SCAI: variants seen among roughly 807,000 people sequenced by gnomAD.
SCAI encodes the protein protein SCAI.
SCAI carries 24 observed loss-of-function variants against 92.2 expected under a neutral mutation model. The observed-to-expected ratio is 0.26, with a 90% CI of 0.19 to 0.37. The LOEUF is 0.37. Ranked by LOEUF, SCAI falls within the 10% of genes least tolerant of loss-of-function variation. The pLI, the probability that SCAI is intolerant of heterozygous loss-of-function variation, is 1.00. For synonymous variants in SCAI, 261 were observed against 258.6 expected (o/e 1.01, Z -0.09); for missense variants, 450 against 736.2 (o/e 0.61, Z 4.50).
intron 9 of SCAI, among the ~76,000 whole-genome samples, chr9:125,006,641 G>A (rs1832515135): frequency 2.0e-5 from 3 of 151,978 alleles, no homozygotes; most frequent in Non-Finnish European, 4.4e-5. Context: ...ACAGGCGCAC[G>A]CCACCACGCC....
chr9:125,047,049 AT>A (rs1833457821), intron 3 of SCAI, among the ~76,000 whole-genome samples: 1 of 152,316 alleles, frequency 6.6e-6, no homozygotes, highest in Admixed American at 6.5e-5. Context: ...CACTGGTAAC[AT>A]TTCAATAAAA....
chr9:124,997,800 CG>C (rs1164279348), intron 13 of SCAI, among the ~76,000 whole-genome samples: 1 of 149,992 alleles, frequency 6.7e-6, no homozygotes. Context: ...CGCTTGAACC[CG>C]GAAGGCAGAG....
At chr9:125,056,488 A>G (rs1482442487) in intron 2 of SCAI, among the ~76,000 whole-genome samples, 1 of 152,130 alleles carries the variant, frequency 6.6e-6, no homozygotes. Context: ...AAAAAGAAAG[A>G]AAATAGATCA....
chr9:125,036,425 G>C (rs1833197760), intron 3 of SCAI, among the ~76,000 whole-genome samples: 1 of 152,112 alleles, frequency 6.6e-6, no homozygotes, highest in Non-Finnish European at 1.5e-5. Context: ...AACGAAGAAA[G>C]AGTGATAAAA....
rs1351289753 is a variant in SCAI at position 124,950,777 on chromosome 9, A to G, written c.*2030T>C. 1 of 152,198 alleles carries G rather than the reference A, an allele frequency of 6.6e-6. No homozygotes were observed. Among genetic ancestry groups the G allele is most frequent in the Non-Finnish European group, 1.5e-5 (1 of 68,042 alleles). 9.4% of individuals were successfully genotyped at this position (152,198 alleles called of 1,614,324 possible). A position where few individuals can be genotyped will look rare whatever the true frequency, so the allele number is the denominator to read the frequency against. On this transcript the variant is annotated 3_prime_UTR_variant, in exon 18 of 18. Transcript: ENST00000336505. The stretch of plus-strand genomic sequence containing the variant: ...TTTAAAAAGTAAACAGGCCAGGTAC[A>G]GTGGCTCACACCTGTAATCCTAGCA...
chr9:124,986,013 C>T lies in SCAI; in HGVS notation c.1326+8921G>A, dbSNP rs181026687. Among the ~76,000 whole-genome samples, 31 of 151,392 alleles carry T rather than the reference C, an allele frequency of 2.0e-4. 1 individual carries two copies. The South Asian group carries it at 5.0e-3, about 25-fold the overall frequency. ...ACTATAAAAAGGGCAATGGAGTGTCCGGGCGCGGTGGCTCATGCCTGTAAT... is the reference window on the plus strand; with the variant it reads ...ACTATAAAAAGGGCAATGGAGTGTCTGGGCGCGGTGGCTCATGCCTGTAAT... On this transcript the variant is annotated intron_variant, in intron 14 of 17. Coordinates refer to ENST00000336505, the MANE Select transcript of SCAI (RefSeq NM_001144877.3).
chr9:124,986,910 T>G (rs1360884777), intron 14 of SCAI, among the ~76,000 whole-genome samples: 1 of 152,238 alleles, frequency 6.6e-6, no homozygotes, highest in Non-Finnish European at 1.5e-5. Context: ...TACTCCTGTT[T>G]TGACAAATCT....
At chr9:125,073,749 G>T (rs1834029240) in intron 2 of SCAI, among the ~76,000 whole-genome samples, 1 of 151,588 alleles carries the variant, frequency 6.6e-6, no homozygotes, top group Non-Finnish European at 1.5e-5. Context: ...GTCATGTAAA[G>T]ATAAAAAAGA....
intron 2 of SCAI, among the ~76,000 whole-genome samples, chr9:125,058,681 G>A (rs904526119): frequency 3.3e-5 from 5 of 152,026 alleles, no homozygotes; most frequent in African/African-American, 1.2e-4. Flanking sequence ...CCTCCCCAGT[G>A]GTATGAACGT....
rs1394510519 is a variant in SCAI at position 125,004,762 on chromosome 9, TATATATATATA to T, written c.862-1203_862-1193del. On this transcript the variant is annotated intron_variant, in intron 9 of 17. Coordinates refer to ENST00000336505, the MANE Select transcript of SCAI (RefSeq NM_001144877.3). ...ATATATATATATATATATATATATA[TATATATATATA>T]TATATATTTTTTTTTTTTTTTTTTT... 4.6e-3 allele frequency among the ~76,000 whole-genome samples: 42 copies of T among 9,194 alleles called. 1 individual carries two copies. The highest frequency in any genetic ancestry group is 6.0e-3 in the Non-Finnish European group (24 of 3,998). The allele number at this position is 9,194 out of a possible 152,430, so 6.0% of individuals were successfully genotyped here. A position where few individuals can be genotyped will look rare whatever the true frequency, so the allele number is the denominator to read the frequency against.
chr9:125,108,893 C>T (rs1303757256), intron 2 of SCAI, among the ~76,000 whole-genome samples: 1 of 152,154 alleles, frequency 6.6e-6, no homozygotes, highest in Non-Finnish European at 1.5e-5. Context: ...GCCATGATGA[C>T]GATGGCGGTT....
Position 124,999,983 on chromosome 9 carries a change from A to G in SCAI, c.1152T>C (p.Tyr384=). 6.6e-7 allele frequency: 1 copy of G among 1,507,824 alleles called. No individual in the cohort carries two copies. The highest frequency in any genetic ancestry group is 9.1e-7 in the Non-Finnish European group (1 of 1,102,924). 93.4% of individuals were successfully genotyped at this position (1,507,824 alleles called of 1,614,324 possible). The stretch of plus-strand genomic sequence containing the variant: ...TATTAGTAAGTACACCTCCAAAATC[A>G]TAAGGACCTATAAAAACAAAGGGAA... The part of the protein sequence containing the change: ...PTGRSDSEGP[Y]DFGGVLTNSN... The change falls in exon 13 of 18, where the codon TAT becomes TAC. Residue 384 remains tyrosine, a synonymous_variant. Coordinates refer to ENST00000336505, the MANE Select transcript of SCAI (RefSeq NM_001144877.3).
rs192333302 is a variant in SCAI at position 124,978,015 on chromosome 9, T to C, written c.1327-1829A>G. Among the ~76,000 whole-genome samples the C allele has an allele frequency of 7.6e-4, 116 of 152,302 alleles. 1 individual carries two copies. Among genetic ancestry groups the C allele is most frequent in the Non-Finnish European group, 1.2e-3 (85 of 68,028 alleles). ...CTCTCCTGTTATGATTAACTATGAT[T>C]GATAAACCTAGTTACATAAAAATCA... On this transcript the variant is annotated intron_variant, in intron 14 of 17. Coordinates refer to ENST00000336505, the MANE Select transcript of SCAI (RefSeq NM_001144877.3).
At chr9:125,125,909 T>TATACACAC (rs149303657) in intron 2 of SCAI, among the ~76,000 whole-genome samples, 1 of 137,910 alleles carries the variant, frequency 7.3e-6, no homozygotes, top group Non-Finnish European at 1.6e-5. Flanking sequence ...TGCGTACACG[T>TATACACAC]ACACACACAC....
At chr9:125,057,490 C>T (rs1289072910) in intron 2 of SCAI, among the ~76,000 whole-genome samples, 1 of 152,184 alleles carries the variant, frequency 6.6e-6, no homozygotes, top group Admixed American at 6.5e-5. Flanking sequence ...AATCCCACAG[C>T]TAGAACCATT....
chr9:124,994,618 C>G (rs901987567), intron 14 of SCAI, among the ~76,000 whole-genome samples: 3 of 152,146 alleles, frequency 2.0e-5, no homozygotes, highest in African/African-American at 7.2e-5. Flanking sequence ...ACCTCTACCT[C>G]TATAAAAGAA....
rs1265748992 is a variant in SCAI, at chr9:124,946,735, C to T, written c.*6072G>A. The T allele has an allele frequency of 6.6e-6, 1 of 152,188 alleles. No individual in the cohort carries two copies. The highest frequency in any genetic ancestry group is 6.5e-5 in the Admixed American group (1 of 15,274). The allele number at this position is 152,188 out of a possible 1,614,324, so 9.4% of individuals were successfully genotyped here. A position where few individuals can be genotyped will look rare whatever the true frequency, so the allele number is the denominator to read the frequency against. On this transcript the variant is annotated 3_prime_UTR_variant, in exon 18 of 18. Coordinates refer to ENST00000336505, the MANE Select transcript of SCAI (RefSeq NM_001144877.3). The surrounding 1 kb of genome is among the most constrained non-coding windows in gnomAD (Gnocchi z 4.0). ...TTTGAAGGCCCAGATTTTTATAGCACACCATGCATCTAATATTAAAAACTC... is the reference window on the plus strand; with the variant it reads ...TTTGAAGGCCCAGATTTTTATAGCATACCATGCATCTAATATTAAAAACTC...
chr9:125,070,064 C>A (rs1415013448), intron 2 of SCAI, among the ~76,000 whole-genome samples: 1 of 151,772 alleles, frequency 6.6e-6, no homozygotes, highest in African/African-American at 2.4e-5. Context: ...ACAAAATGAA[C>A]TAACAGATAT....
rs1250599453 is a variant in SCAI, at chr9:125,069,763, C to T, written c.99-13756G>A. On this transcript the variant is annotated intron_variant, in intron 2 of 17. Coordinates refer to ENST00000336505, the MANE Select transcript of SCAI (RefSeq NM_001144877.3). ...TTAGCCTCCTGAGTAGCTGGGATTA[C>T]AGGCGCCCGCCACCACACCTGGCTG... Among the ~76,000 whole-genome samples, 17 of 151,486 alleles carry T rather than the reference C, an allele frequency of 1.1e-4. No individual in the cohort carries two copies. The Admixed American group carries it at 1.1e-3, about 10-fold the overall frequency.
Sources: allele counts gnomAD v4.1 joint callset (sites outside exome capture counted in the v4.1 genomes callset), GRCh38; gene constraint gnomAD v4.1.1; non-coding constraint Gnocchi (gnomAD v3.1); transcripts MANE v1.5; gene names NCBI Gene and HGNC (gene_info 2026-07-23, HGNC 2026-07-21).